The following SPECC1L variants were observed in gnomAD, a reference collection of about 807,000 sequenced individuals.
SPECC1L encodes the protein cytospin-A.
A neutral mutation model predicts 116.8 loss-of-function variants in SPECC1L; 40 were observed. The ratio of observed to expected loss-of-function variants is 0.34; its 90% CI spans 0.27 to 0.45. SPECC1L has a LOEUF of 0.45. Ranked by LOEUF, SPECC1L falls within the 20% of genes least tolerant of loss-of-function variation. SPECC1L has a pLI of 1.00. For synonymous variants in SPECC1L, 504 were observed against 500.6 expected (o/e 1.01, Z -0.09); for missense variants, 1,110 against 1,373.6 (o/e 0.81, Z 3.03).
intron 13 of SPECC1L, 98 bp from the exon 14 acceptor site, chr22:24,369,120 T>A (rs2041827455): frequency 2.4e-6 from 2 of 824,016 alleles, no homozygotes; most frequent in Non-Finnish European, 2.1e-6. Flanking sequence ...TGCCTTACCA[T>A]GTATATTTCC....
At chr22:24,286,978 T>TA (rs1753409264) in intron 2 of SPECC1L, among the ~76,000 whole-genome samples, 1 of 152,340 alleles carries the variant, frequency 6.6e-6, no homozygotes, top group African/African-American at 2.4e-5. Context: ...TTGGTCTAAG[T>TA]ATACCCTAAA....
intron 2 of SPECC1L, among the ~76,000 whole-genome samples, chr22:24,279,839 A>T (rs1447633753): frequency 6.6e-6 from 1 of 152,098 alleles, no homozygotes. Flanking sequence ...CAGCCTCCCA[A>T]AGTGCTGGGA....
intron 11 of SPECC1L, among the ~76,000 whole-genome samples, chr22:24,349,200 C>T (rs940681371): frequency 6.6e-6 from 1 of 152,136 alleles, no homozygotes; most frequent in Non-Finnish European, 1.5e-5. Context: ...AGCACCCCAC[C>T]CAGCTAATTT....
intron 14 of SPECC1L, among the ~76,000 whole-genome samples, chr22:24,392,668 A>G (rs886493071): frequency 2.6e-5 from 4 of 152,198 alleles, no homozygotes; most frequent in African/African-American, 9.7e-5. Context: ...TTCCTTTCTG[A>G]ATGCACTCTT....
At chr22:24,319,488 G>T (rs1363599103) in intron 4 of SPECC1L, among the ~76,000 whole-genome samples, 1 of 152,210 alleles carries the variant, frequency 6.6e-6, no homozygotes, top group African/African-American at 2.4e-5. Context: ...TGAGATTTGG[G>T]TGGGGACACA....
intron 11 of SPECC1L, among the ~76,000 whole-genome samples, chr22:24,359,429 C>A (rs774870537): frequency 6.6e-6 from 1 of 152,148 alleles, no homozygotes; most frequent in Non-Finnish European, 1.5e-5. Context: ...AATGTGTTCA[C>A]GTCTCTTCCT....
chr22:24,289,834 C>G (rs2049123522), intron 2 of SPECC1L, among the ~76,000 whole-genome samples: 1 of 151,990 alleles, frequency 6.6e-6, no homozygotes, highest in Admixed American at 6.6e-5. Context: ...AATCAGTGCC[C>G]TAGTATTTGT....
intron 14 of SPECC1L, among the ~76,000 whole-genome samples, chr22:24,391,770 A>G (rs2042278416): frequency 6.6e-6 from 1 of 152,164 alleles, no homozygotes; most frequent in South Asian, 2.1e-4. Context: ...AGCAGTTTGA[A>G]TGGAACTCTA....
intron 2 of SPECC1L, among the ~76,000 whole-genome samples, chr22:24,300,700 T>C (rs1408502561): frequency 6.6e-6 from 1 of 152,230 alleles, no homozygotes; most frequent in African/African-American, 2.4e-5. Context: ...ATTGTGGTTT[T>C]GATTTGCATT....
At chr22:24,318,773 A>G (rs2040657737) in intron 4 of SPECC1L, among the ~76,000 whole-genome samples, 1 of 152,142 alleles carries the variant, frequency 6.6e-6, no homozygotes. Context: ...TACAAAAAAT[A>G]CAAAAATTAG....
intron 8 of SPECC1L, among the ~76,000 whole-genome samples, chr22:24,333,260 G>C (rs2040975605): frequency 1.3e-5 from 2 of 152,152 alleles, no homozygotes; most frequent in Non-Finnish European, 2.9e-5. Context: ...AATCATGACA[G>C]CTAAATGACC....
At chr22:24,318,562 T>A (rs1306154156) in intron 4 of SPECC1L, among the ~76,000 whole-genome samples, 1 of 151,924 alleles carries the variant, frequency 6.6e-6, no homozygotes, top group Admixed American at 6.6e-5. Flanking sequence ...TTATAAGGAT[T>A]TTTGATTTAG....
chr22:24,316,623 G>A (rs1024963798), intron 4 of SPECC1L, among the ~76,000 whole-genome samples: 3 of 149,162 alleles, frequency 2.0e-5, no homozygotes, highest in Non-Finnish European at 4.4e-5. Flanking sequence ...AGGATCCCAA[G>A]GCAGAAGAAT....
intron 8 of SPECC1L, among the ~76,000 whole-genome samples, chr22:24,333,024 T>G (rs2040969863): frequency 6.6e-6 from 1 of 151,598 alleles, no homozygotes; most frequent in Admixed American, 6.6e-5. Context: ...CGGTCAGGAG[T>G]TTGAGACCAG....
chr22:24,359,936 A>G (rs2041609877), intron 11 of SPECC1L, among the ~76,000 whole-genome samples: 1 of 151,808 alleles, frequency 6.6e-6, no homozygotes, highest in Non-Finnish European at 1.5e-5. Flanking sequence ...AGCATCCCTC[A>G]CTCGTAATGA....
At chr22:24,411,847 G>T in intron 15 of SPECC1L, 143 bp downstream of exon 15, 1 of 748,896 alleles carries the variant, frequency 1.3e-6, no homozygotes, top group South Asian at 1.4e-5. Context: ...CTGGGATCAG[G>T]TCATTCATGC....
chr22:24,275,085 G>A (rs541537123), intron 1 of SPECC1L, among the ~76,000 whole-genome samples: 9 of 152,366 alleles, frequency 5.9e-5, no homozygotes, highest in Non-Finnish European at 1.5e-5. Context: ...CACCTTGCCT[G>A]GAAGGCTTCC....
chr22:24,335,945 G>T (rs927754811), intron 9 of SPECC1L, among the ~76,000 whole-genome samples: 3 of 151,920 alleles, frequency 2.0e-5, no homozygotes, highest in Non-Finnish European at 4.4e-5. Flanking sequence ...CAAGTATTAT[G>T]TATAAAGATA....
chr22:24,283,999 G>A (rs1424126230), intron 2 of SPECC1L, among the ~76,000 whole-genome samples: 1 of 152,030 alleles, frequency 6.6e-6, no homozygotes, highest in Non-Finnish European at 1.5e-5. Context: ...TTATGAGTGT[G>A]GCTAGAGGTT....
Sources: gnomAD v4.1 joint callset for allele counts (sites outside exome capture counted in the v4.1 genomes callset) on GRCh38, gnomAD v4.1.1 for gene constraint, MANE v1.5 for transcripts, NCBI Gene and HGNC (gene_info 2026-07-23, HGNC 2026-07-21) for gene names.